The following ZNF43 variants were observed in gnomAD, a reference collection of about 807,000 sequenced individuals.
ZNF43 encodes the protein zinc finger protein 39-like 1 (KOX 27).
In ZNF43, 44 loss-of-function variants were observed where a neutral mutation model predicts 68.4. That is an observed-to-expected ratio of 0.64 (90% CI 0.51 to 0.83). The LOEUF is 0.83. ZNF43 is among the 40% of genes least tolerant of loss of function. The pLI is 0.00. For missense variants in ZNF43, 896 were observed against 933.2 expected, an observed-to-expected ratio of 0.96 and a Z score of 0.52; for synonymous variants, 308 against 307.8, an observed-to-expected ratio of 1.00 and a Z score of -0.01.
intron 1 of ZNF43, among the ~76,000 whole-genome samples, chr19:21,831,935 TATC>T (rs2038443907): frequency 1.3e-5 from 2 of 152,170 alleles, no homozygotes; most frequent in Admixed American, 6.5e-5. Context: ...ATAGAAAAGG[TATC>T]ATTAAAATGG....
chr19:21,835,973 G>C, intron 1 of ZNF43, 63 bp downstream of exon 1: 1 of 1,611,280 alleles, frequency 6.2e-7, no homozygotes, highest in Non-Finnish European at 8.5e-7. Flanking sequence ...AGCTGACTGC[G>C]GGAAGGCCTG....
Position 21,807,850 on chromosome 19 carries a change from A to C in ZNF43, c.2187T>G (p.Thr729=), listed in dbSNP as rs1330842787. The C allele has an allele frequency of 1.9e-6, 3 of 1,613,242 alleles. No homozygotes were observed. The highest frequency in any genetic ancestry group is 2.5e-6 in the Non-Finnish European group (3 of 1,179,768). Residue 729 remains threonine, a synonymous_variant, in exon 4 of 4, where the codon ACT becomes ACG. Transcript: ENST00000354959. ...SNLIEHKKIH[T]GEQPYKCEEC... is the part of the protein sequence containing the mutation. Reference sequence around the variant, plus strand: ...CTTCACATTTGTAGGGTTGCTCTCCAGTATGAATTTTCTTATGTTCAATAA... The same window carrying C: ...CTTCACATTTGTAGGGTTGCTCTCCCGTATGAATTTTCTTATGTTCAATAA...
chr19:21,829,214 A>AGCCTGT (rs1364617318), intron 1 of ZNF43, among the ~76,000 whole-genome samples: 1 of 151,634 alleles, frequency 6.6e-6, no homozygotes, highest in Non-Finnish European at 1.5e-5. Flanking sequence ...ACAGAGTGAG[A>AGCCTGT]CTCCATCACA....
At chr19:21,841,750 T>A (rs1599540943) in intron 1 of ZNF43, 1 of 152,364 alleles carries the variant, frequency 6.6e-6, no homozygotes, top group African/African-American at 2.4e-5. Flanking sequence ...TCCAGTGATA[T>A]GTCACAATCC....
chr19:21,838,173 C>CT (rs1312394126), upstream of ZNF43: 2 of 152,236 alleles, frequency 1.3e-5, no homozygotes, highest in South Asian at 4.1e-4. Context: ...AAGTATGTAG[C>CT]TTTTTTATCT....
intron 1 of ZNF43, among the ~76,000 whole-genome samples, chr19:21,842,793 A>T (rs1203445384): frequency 1.3e-5 from 2 of 152,188 alleles, no homozygotes. Context: ...AATCTAGTTT[A>T]TGGGCCCAGG....
chr19:21,813,615 CAT>C (rs2037385563), intron 3 of ZNF43, among the ~76,000 whole-genome samples: 1 of 152,106 alleles, frequency 6.6e-6, no homozygotes, highest in African/African-American at 2.4e-5. Flanking sequence ...TAGTCACACT[CAT>C]AAAATCAGCA....
intron 1 of ZNF43, chr19:21,826,958 G>A (rs113806144): frequency 0.034 from 5,192 of 151,836 alleles, 313 homozygotes; most frequent in African/African-American, 0.12. Context: ...GACACCCAAA[G>A]CATTAGAAAG....
intron 1 of ZNF43, among the ~76,000 whole-genome samples, chr19:21,834,796 AGAAAGAAGAAG>A (rs944339955): frequency 1.6e-4 from 24 of 149,364 alleles, no homozygotes; most frequent in Admixed American, 3.3e-4. Context: ...AAGGAAGGAA[AGAAAGAAGAAG>A]GAAAGAAGAA....
Position 21,808,081 on chromosome 19 carries a change from A to T in ZNF43, c.1956T>A (p.Cys652Ter). ...IIHTEEKPYK[C>*]EECGKAFKWS... The stretch of plus-strand genomic sequence containing the variant: ...ACTTAAAGGCTTTGCCACATTCTTC[A>T]CATTTGTAGGGTTTCTCCTCAGTGT... The change falls in exon 4 of 4, where the codon TGT becomes TGA. Residue 652 changes from cysteine (C) to a stop codon, truncating the protein, a stop_gained. Coordinates refer to ENST00000354959, the MANE Select transcript of ZNF43 (RefSeq NM_003423.4). LOFTEE classifies it high-confidence loss of function. 6.2e-7 allele frequency: 1 copy of T among 1,612,866 alleles called. No individual in the cohort carries two copies. Among genetic ancestry groups the T allele is most frequent in the Non-Finnish European group, 8.5e-7 (1 of 1,179,832 alleles).
chr19:21,836,896 T>C (rs1014325983), upstream of ZNF43, among the ~76,000 whole-genome samples: 1 of 152,210 alleles, frequency 6.6e-6, no homozygotes, highest in Non-Finnish European at 1.5e-5. Flanking sequence ...TCAGACTGAA[T>C]TATTTTATCA....
rs1381716851 is a variant in ZNF43 at position 21,806,406 on chromosome 19, C to G, written c.*1201G>C. On this transcript the variant is annotated 3_prime_UTR_variant, in exon 4 of 4. Transcript: ENST00000354959. ...TCTCAAACTCCTGACCTCAGGTGAT[C>G]CACCGGCCTCAGCCTCCCAAAGTGC... 1 of 152,168 alleles carries G rather than the reference C, an allele frequency of 6.6e-6. No individual in the cohort carries two copies. Among genetic ancestry groups the G allele is most frequent in the Non-Finnish European group, 1.5e-5 (1 of 68,044 alleles). The allele number at this position is 152,168 out of a possible 1,614,324, so 9.4% of individuals were successfully genotyped here. A position where few individuals can be genotyped will look rare whatever the true frequency, so the allele number is the denominator to read the frequency against.
intron 1 of ZNF43, among the ~76,000 whole-genome samples, chr19:21,834,109 G>A (rs770374630): frequency 1.1e-4 from 17 of 151,912 alleles, no homozygotes; most frequent in Non-Finnish European, 1.8e-4. Flanking sequence ...TGGCGGAGGC[G>A]GGTGGATCAT....
At chr19:21,813,962 A>C (rs1041041732) in intron 3 of ZNF43, among the ~76,000 whole-genome samples, 2 of 152,072 alleles carry the variant, frequency 1.3e-5, no homozygotes, top group African/African-American at 4.8e-5. Context: ...GGGAATCTCC[A>C]TATATTGCCC....
chr19:21,824,482 A>G (rs1408637056), intron 1 of ZNF43, among the ~76,000 whole-genome samples: 1 of 152,148 alleles, frequency 6.6e-6, no homozygotes, highest in African/African-American at 2.4e-5. Flanking sequence ...CCACACTCTC[A>G]AAGGGGTCTT....
intron 3 of ZNF43, among the ~76,000 whole-genome samples, chr19:21,814,076 A>T (rs2037404471): frequency 6.6e-6 from 1 of 152,164 alleles, no homozygotes; most frequent in Non-Finnish European, 1.5e-5. Context: ...TGTACACTTC[A>T]ATAGATTTAA....
At chr19:21,834,753 GAAGC>G (rs2038609529) in intron 1 of ZNF43, among the ~76,000 whole-genome samples, 1 of 150,264 alleles carries the variant, frequency 6.7e-6, no homozygotes, top group South Asian at 2.1e-4. Context: ...AGGAAGGATG[GAAGC>G]AAGGATGGAA....
chr19:21,851,394 T>G (rs1485016239), intron 1 of ZNF43: 1 of 151,428 alleles, frequency 6.6e-6, no homozygotes, highest in Non-Finnish European at 1.5e-5. Flanking sequence ...AAATAAAAAT[T>G]AGCCGGGCCT....
chr19:21,824,208 T>C (rs1334971475), intron 1 of ZNF43, among the ~76,000 whole-genome samples: 1 of 152,068 alleles, frequency 6.6e-6, no homozygotes, highest in East Asian at 1.9e-4. Context: ...AGAACTGCCC[T>C]GGTAGAGCTC....
Sources: allele counts gnomAD v4.1 joint callset (sites outside exome capture counted in the v4.1 genomes callset), GRCh38; gene constraint gnomAD v4.1.1; transcripts MANE v1.5; gene names NCBI Gene and HGNC (gene_info 2026-07-23, HGNC 2026-07-21).